TLE4: variants seen among roughly 807,000 people sequenced by gnomAD.
TLE4 encodes the protein transducin-like enhancer protein 4.
TLE4 carries 8 observed loss-of-function variants against 92.8 expected under a neutral mutation model. The ratio of observed to expected loss-of-function variants is 0.09; its 90% CI spans 0.05 to 0.16. The LOEUF (loss-of-function observed/expected upper bound fraction) is 0.16. TLE4 is among the 10% of genes least tolerant of loss of function. The pLI, the probability that TLE4 is intolerant of heterozygous loss-of-function variation, is 1.00. For synonymous variants in TLE4, 371 were observed against 374.1 expected (o/e 0.99, Z 0.10); for missense variants, 675 against 997.6 (o/e 0.68, Z 4.36).
chr9:79,628,273 C>T (rs1286990213), intron 6 of TLE4, among the ~76,000 whole-genome samples: 8 of 152,092 alleles, frequency 5.3e-5, no homozygotes, highest in Admixed American at 5.2e-4. Context: ...TCTGTCCCCT[C>T]CCAAATACTT....
intron 4 of TLE4, among the ~76,000 whole-genome samples, chr9:79,583,142 A>G (rs1188916823): frequency 5.3e-5 from 8 of 152,104 alleles, no homozygotes; most frequent in Non-Finnish European, 1.0e-4. Flanking sequence ...ACAAATCTAT[A>G]TACCCTCTCT....
At chr9:79,643,933 C>T (rs191378642) in intron 6 of TLE4, among the ~76,000 whole-genome samples, 1 of 152,264 alleles carries the variant, frequency 6.6e-6, no homozygotes, top group East Asian at 1.9e-4. Flanking sequence ...CGCTCCCTCA[C>T]TCTCTGTGCA....
chr9:79,725,118 G>T lies in TLE4; in HGVS notation c.2296G>T (p.Ala766Ser), dbSNP rs1565245840. 2.1e-5 allele frequency: 34 copies of T among 1,613,668 alleles called. No individual in the cohort carries two copies. Among genetic ancestry groups the T allele is most frequent in the Non-Finnish European group, 2.6e-5 (31 of 1,179,718 alleles). The stretch of plus-strand genomic sequence containing the variant: ...TGTCACTGGCTCTGGGGATAAGAAG[G>T]CCACAGTTTATGAAGTTATTTATTA... ...YIVTGSGDKK[A>S]TVYEVIY Residue 766 changes from alanine (A) to serine (S), a missense_variant, in exon 20 of 20, where the codon GCC becomes TCC. This residue lies in a region of TLE4 where 170 missense variants were observed against 359.6 expected (regional missense o/e 0.47). Coordinates refer to ENST00000376552, the MANE Select transcript of TLE4 (RefSeq NM_007005.6).
At chr9:79,721,626 A>C in intron 16 of TLE4, 115 bp from the exon 17 acceptor site, 1 of 1,482,918 alleles carries the variant, frequency 6.7e-7, no homozygotes, top group South Asian at 1.3e-5. Flanking sequence ...ATAATAAACC[A>C]AAATGAAATC....
At chr9:79,715,625 A>G (rs1371048547) in intron 14 of TLE4, among the ~76,000 whole-genome samples, 1 of 152,026 alleles carries the variant, frequency 6.6e-6, no homozygotes, top group African/African-American at 2.4e-5. Context: ...GTGCCATTGG[A>G]CTACCCCCTC....
intron 8 of TLE4, among the ~76,000 whole-genome samples, chr9:79,671,838 C>T (rs1301534000): frequency 4.0e-5 from 6 of 151,548 alleles, no homozygotes. Flanking sequence ...GGACTATACT[C>T]CCACCCCTAC....
intron 8 of TLE4, among the ~76,000 whole-genome samples, chr9:79,695,104 AGGT>A (rs1184504385): frequency 6.6e-6 from 1 of 152,194 alleles, no homozygotes; most frequent in Non-Finnish European, 1.5e-5. Context: ...ATTTTTAAAA[AGGT>A]GGCCTTCATA....
chr9:79,575,825 G>A (rs758941428), intron 3 of TLE4: 8 of 236,816 alleles, frequency 3.4e-5, no homozygotes, highest in African/African-American at 8.9e-5. Flanking sequence ...TTAAGAGTCC[G>A]TAGGATACCA....
At chr9:79,712,742 A>G (rs1487993285) in intron 14 of TLE4, among the ~76,000 whole-genome samples, 2 of 152,260 alleles carry the variant, frequency 1.3e-5, no homozygotes, top group South Asian at 2.1e-4. Flanking sequence ...GAATAACAGC[A>G]TAGTTTAATT....
At chr9:79,631,291 T>A (rs1448092921) in intron 6 of TLE4, among the ~76,000 whole-genome samples, 2 of 152,204 alleles carry the variant, frequency 1.3e-5, no homozygotes, top group Non-Finnish European at 2.9e-5. Flanking sequence ...GCTTGAATGG[T>A]GCTGATGGAA....
intron 6 of TLE4, among the ~76,000 whole-genome samples, chr9:79,637,462 A>G (rs1245495792): frequency 1.3e-5 from 2 of 152,190 alleles, no homozygotes; most frequent in African/African-American, 2.4e-5. Context: ...CTTGTCTCTT[A>G]TTTGTTCTCT....
intron 4 of TLE4, among the ~76,000 whole-genome samples, chr9:79,596,409 T>C (rs550240438): frequency 5.3e-5 from 8 of 152,166 alleles, no homozygotes; most frequent in Non-Finnish European, 8.8e-5. Context: ...GAATGTCTTT[T>C]CTGGGTAAAA....
At chr9:79,662,163 A>G (rs1411673221) in intron 8 of TLE4, among the ~76,000 whole-genome samples, 1 of 152,206 alleles carries the variant, frequency 6.6e-6, no homozygotes, top group African/African-American at 2.4e-5. Flanking sequence ...TTGTAAGTGA[A>G]CTTTCTAAGA....
At chr9:79,640,419 T>C (rs955502000) in intron 6 of TLE4, among the ~76,000 whole-genome samples, 2 of 152,116 alleles carry the variant, frequency 1.3e-5, no homozygotes, top group Non-Finnish European at 2.9e-5. Flanking sequence ...ATGTGTGGCT[T>C]TTAATTTTTT....
chr9:79,692,537 A>C (rs1471304622), intron 8 of TLE4, among the ~76,000 whole-genome samples: 1 of 152,200 alleles, frequency 6.6e-6, no homozygotes, highest in East Asian at 1.9e-4. Context: ...TCATGTAGTT[A>C]TCTCGTTTAA....
chr9:79,579,766 A>G (rs1439318637), intron 4 of TLE4, among the ~76,000 whole-genome samples: 2 of 152,200 alleles, frequency 1.3e-5, no homozygotes, highest in African/African-American at 4.8e-5. Flanking sequence ...CTTGGGCCAC[A>G]ACCATTTGAG....
At position 79,708,770 on chromosome 9, in the gene TLE4, A is replaced by G. The variant is rs1296132369; in HGVS notation, c.1247A>G (p.Tyr416Cys). 6.2e-7 allele frequency: 1 copy of G among 1,606,170 alleles called. No homozygotes were observed. The highest frequency in any genetic ancestry group is 1.7e-5 in the Admixed American group (1 of 59,942). Residue 416 changes from tyrosine (Y) to cysteine (C), a missense_variant, in exon 13 of 20, where the codon TAT becomes TGT. This residue lies in a region of TLE4 where 119 missense variants were observed against 175.9 expected (regional missense o/e 0.68). Coordinates refer to ENST00000376552, the MANE Select transcript of TLE4 (RefSeq NM_007005.6). Reference sequence around the variant, plus strand: ...GCCGCCGCCGCTGCTGCTGCTGCCTATGGGAGATCACCAGTGGTGCGTTTG... The same window carrying G: ...GCCGCCGCCGCTGCTGCTGCTGCCTGTGGGAGATCACCAGTGGTGCGTTTG... ...AAAAAAAAAA[Y>C]GRSPVVGFDP...
intron 6 of TLE4, among the ~76,000 whole-genome samples, chr9:79,641,727 T>C (rs2057182673): frequency 6.6e-6 from 1 of 152,148 alleles, no homozygotes; most frequent in African/African-American, 2.4e-5. Context: ...TGCTTACCCC[T>C]TCCACCCTAG....
intron 4 of TLE4, among the ~76,000 whole-genome samples, chr9:79,583,211 A>T (rs1017579346): frequency 6.6e-6 from 1 of 152,084 alleles, no homozygotes; most frequent in African/African-American, 2.4e-5. Flanking sequence ...TATATCATTG[A>T]CCCAAAACTT....
Sources: gnomAD v4.1 joint callset for allele counts (sites outside exome capture counted in the v4.1 genomes callset) on GRCh38, gnomAD v4.1.1 for gene constraint, gnomAD v4.1.1 regional missense constraint, MANE v1.5 for transcripts, NCBI Gene and HGNC (gene_info 2026-07-23, HGNC 2026-07-21) for gene names.